The following CDK19 variants were observed in gnomAD, a reference collection of about 807,000 sequenced individuals.
CDK19 encodes the protein cyclin-dependent kinase 19.
CDK19 carries 20 observed loss-of-function variants against 68.3 expected under a neutral mutation model. The ratio of observed to expected loss-of-function variants is 0.29; its 90% CI spans 0.21 to 0.43. The LOEUF (loss-of-function observed/expected upper bound fraction) is 0.43. Among genes scored for constraint, CDK19 ranks in the 20% least tolerant of loss-of-function variants. The pLI is 1.00. For synonymous variants in CDK19, 221 were observed against 222.8 expected, an observed-to-expected ratio of 0.99 and a Z score of 0.07; for missense variants, 339 against 623.5, an observed-to-expected ratio of 0.54 and a Z score of 4.86.
At chr6:110,780,388 C>CA (rs57316757) in intron 1 of CDK19, among the ~76,000 whole-genome samples, 4,526 of 66,806 alleles carry the variant, frequency 0.068, 179 homozygotes, top group East Asian at 0.21. Context: ...CACTCTGTCT[C>CA]AAAAAAAAAA....
intron 1 of CDK19, among the ~76,000 whole-genome samples, chr6:110,749,630 G>A (rs1778326304): frequency 6.6e-6 from 1 of 151,936 alleles, no homozygotes; most frequent in South Asian, 2.1e-4. Context: ...AAAGTTCTAG[G>A]ATTACAGGCC....
chr6:110,813,270 A>C (rs1455410522), intron 1 of CDK19: 2 of 152,180 alleles, frequency 1.3e-5, no homozygotes, highest in Non-Finnish European at 2.9e-5. Context: ...ATTCAGAAGC[A>C]GAATTTTTAA....
intron 12 of CDK19, among the ~76,000 whole-genome samples, chr6:110,618,105 A>G (rs1778460985): frequency 6.6e-6 from 1 of 152,092 alleles, no homozygotes; most frequent in Non-Finnish European, 1.5e-5. Flanking sequence ...CCATAAAGAT[A>G]GAAACCCAAA....
At chr6:110,727,142 T>C (rs1195893455) in intron 2 of CDK19, among the ~76,000 whole-genome samples, 3 of 152,178 alleles carry the variant, frequency 2.0e-5, no homozygotes, top group Admixed American at 1.3e-4. Flanking sequence ...ATGAGATATA[T>C]GAAAACACAT....
At position 110,626,690 on chromosome 6, in the gene CDK19, C is replaced by T. The variant is rs530695331; in HGVS notation, c.860+86G>A. 4 of 822,344 alleles carry T rather than the reference C, an allele frequency of 4.9e-6. No homozygotes were observed. The African/African-American group carries it at 7.0e-5, about 14-fold the overall frequency. The allele number at this position is 822,344 out of a possible 1,614,324, so 50.9% of individuals were successfully genotyped here. On this transcript the variant is annotated intron_variant, in intron 8 of 12. Transcript: ENST00000368911. ...TCCAGCCTCAAGGACTGGGAGAAAA[C>T]AAATTCCTGTTGTTTATAAATTACC...
chr6:110,737,769 G>A (rs1777350844), intron 2 of CDK19, among the ~76,000 whole-genome samples: 1 of 151,902 alleles, frequency 6.6e-6, no homozygotes, highest in Non-Finnish European at 1.5e-5. Flanking sequence ...ATTTTGCCAA[G>A]GAAGCTAAAT....
intron 4 of CDK19, among the ~76,000 whole-genome samples, chr6:110,660,096 A>G (rs892500119): frequency 2.6e-5 from 4 of 152,198 alleles, no homozygotes; most frequent in African/African-American, 4.8e-5. Context: ...CCTCTTGAGT[A>G]GCTGGGACTG....
chr6:110,772,890 C>CA (rs60201424), intron 1 of CDK19, among the ~76,000 whole-genome samples: 1,150 of 100,614 alleles, frequency 0.011, 11 homozygotes, highest in African/African-American at 0.035. Context: ...GTCCCTGTCC[C>CA]AAAAAAAAAA....
At chr6:110,693,070 T>A (rs1455230863) in intron 2 of CDK19, among the ~76,000 whole-genome samples, 1 of 151,950 alleles carries the variant, frequency 6.6e-6, no homozygotes, top group African/African-American at 2.4e-5. Flanking sequence ...AAAGCAAAAG[T>A]GAGCAAAAGC....
At chr6:110,814,243 T>A in intron 1 of CDK19, 1 of 288,432 alleles carries the variant, frequency 3.5e-6, no homozygotes, top group Non-Finnish European at 6.7e-6. Context: ...GAGGACATAA[T>A]ACCCAAGATA....
chr6:110,707,482 T>C (rs896512936), intron 2 of CDK19, among the ~76,000 whole-genome samples: 1 of 152,106 alleles, frequency 6.6e-6, no homozygotes, highest in Non-Finnish European at 1.5e-5. Flanking sequence ...ACAGATCATA[T>C]CATCTATCTG....
Position 110,760,396 on chromosome 6 carries a change from C to CAAAAAAAAAAAAAAAAAAAAAAAAAAAAA in CDK19, c.129-14196_129-14195insTTTTTTTTTTTTTTTTTTTTTTTTTTTTT, listed in dbSNP as rs34613571. Among the ~76,000 whole-genome samples, 2 of 39,778 alleles carry CAAAAAAAAAAAAAAAAAAAAAAAAAAAAA rather than the reference C, an allele frequency of 5.0e-5. 1 individual carries two copies. Among genetic ancestry groups the CAAAAAAAAAAAAAAAAAAAAAAAAAAAAA allele is most frequent in the Non-Finnish European group, 8.9e-5 (2 of 22,348 alleles). The allele number at this position is 39,778 out of a possible 152,430, so 26.1% of individuals were successfully genotyped here. A position where few individuals can be genotyped will look rare whatever the true frequency, so the allele number is the denominator to read the frequency against. Reference sequence around the variant, plus strand: ...TGGGCCACAGAGCAAGGCTTTGTCTCAAAAAAAAAAAAAAAAAAAAAAAAA... The same window carrying CAAAAAAAAAAAAAAAAAAAAAAAAAAAAA: ...TGGGCCACAGAGCAAGGCTTTGTCTCAAAAAAAAAAAAAAAAAAAAAAAAAAAAAAAAAAAAAAAAAAAAAAAAAAAAAA... On this transcript the variant is annotated intron_variant, in intron 1 of 12. Coordinates refer to ENST00000368911, the MANE Select transcript of CDK19 (RefSeq NM_015076.5).
chr6:110,666,260 CAAA>C (rs777957434), intron 4 of CDK19, among the ~76,000 whole-genome samples: 1 of 98,898 alleles, frequency 1.0e-5, no homozygotes. Flanking sequence ...CTAAAAAATA[CAAA>C]AAAAAAAAAA....
chr6:110,801,255 T>G (rs1238436096), intron 1 of CDK19, among the ~76,000 whole-genome samples: 1 of 151,902 alleles, frequency 6.6e-6, no homozygotes, highest in Non-Finnish European at 1.5e-5. Context: ...GAGGCCAAGG[T>G]GGGAGGACTG....
intron 1 of CDK19, among the ~76,000 whole-genome samples, chr6:110,755,964 T>C (rs956105046): frequency 1.3e-5 from 2 of 151,836 alleles, no homozygotes; most frequent in Non-Finnish European, 2.9e-5. Context: ...GAGAAAAAAA[T>C]ATATATCTAT....
At position 110,808,238 on chromosome 6, in the gene CDK19, G is replaced by A. The variant is rs147088775; in HGVS notation, c.128+6771C>T. Reference sequence around the variant, plus strand: ...TCACACTAACTACATTCCAGTAATCGATACCTATGTGTGGCGTGTGGCTTG... The same window carrying A: ...TCACACTAACTACATTCCAGTAATCAATACCTATGTGTGGCGTGTGGCTTG... On this transcript the variant is annotated intron_variant, in intron 1 of 12. Transcript: ENST00000368911. Among the ~76,000 whole-genome samples, 196 of 152,246 alleles carry A rather than the reference G, an allele frequency of 1.3e-3. 1 individual carries two copies. In the East Asian group the frequency reaches 0.017, roughly 13 times the overall value.
intron 2 of CDK19, among the ~76,000 whole-genome samples, chr6:110,674,063 T>C (rs1314454922): frequency 6.6e-6 from 1 of 152,244 alleles, no homozygotes. Flanking sequence ...ATTTTGGTAA[T>C]TCTTACAACA....
At chr6:110,803,736 C>T (rs1014796908) in intron 1 of CDK19, among the ~76,000 whole-genome samples, 3 of 152,134 alleles carry the variant, frequency 2.0e-5, no homozygotes, top group African/African-American at 7.2e-5. Context: ...GAGGCCAAAG[C>T]GGGTAGATGG....
At chr6:110,697,830 G>A (rs1773614421) in intron 2 of CDK19, among the ~76,000 whole-genome samples, 2 of 152,154 alleles carry the variant, frequency 1.3e-5, no homozygotes, top group African/African-American at 4.8e-5. Context: ...CAGACCAACA[G>A]AACAGAATAG....
Sources: allele counts gnomAD v4.1 joint callset (sites outside exome capture counted in the v4.1 genomes callset), GRCh38; gene constraint gnomAD v4.1.1; transcripts MANE v1.5; gene names NCBI Gene and HGNC (gene_info 2026-07-23, HGNC 2026-07-21).